Variants in PDZD2 observed in about 807,000 individuals in gnomAD.
The protein encoded by PDZD2 is PDZ domain containing 2.
A neutral mutation model predicts 220.7 loss-of-function variants in PDZD2; 90 were observed. That is an observed-to-expected ratio of 0.41 (90% confidence interval 0.34 to 0.49). PDZD2 has a LOEUF of 0.49. Ranked by LOEUF, PDZD2 falls within the 20% of genes least tolerant of loss-of-function variation. The pLI, the probability that PDZD2 is intolerant of heterozygous loss-of-function variation, is 0.28. For missense variants in PDZD2, 3,174 were observed against 3,608.5 expected (o/e 0.88, Z 3.08); for synonymous variants, 1,375 against 1,450.5 (o/e 0.95, Z 1.18).
At chr5:31,794,493 C>T (rs547697339) in intron 1 of PDZD2, among the ~76,000 whole-genome samples, 97 of 149,432 alleles carry the variant, frequency 6.5e-4, no homozygotes, top group Non-Finnish European at 1.0e-3. Flanking sequence ...CTCCGCCTCC[C>T]GGGTTCACAC....
intron 19 of PDZD2, among the ~76,000 whole-genome samples, chr5:32,079,374 C>T (rs997771799): frequency 8.6e-5 from 13 of 151,774 alleles, no homozygotes; most frequent in African/African-American, 2.9e-4. Flanking sequence ...TCCCACTTGT[C>T]GAGCTCTGTG....
At position 32,090,563 on chromosome 5, in the gene PDZD2, G is replaced by A. The variant is rs200979499; in HGVS notation, c.7115G>A (p.Arg2372Gln). The A allele has an allele frequency of 6.8e-6, 11 of 1,613,768 alleles. No individual in the cohort carries two copies. Among genetic ancestry groups the A allele is most frequent in the Middle Eastern group, 3.3e-4 (2 of 6,084 alleles). Residue 2372 changes from arginine (R) to glutamine (Q), a missense_variant, in exon 20 of 25, where the codon CGG becomes CAG. Physicochemically the swap from Arg to Gln is conservative, Grantham distance 43. Transcript: ENST00000438447. This position sits in a 1 kb window ranked among gnomAD's most constrained non-coding sequence, Gnocchi z 4.3. ...AGCTCCAAGCCTCCCATTGGGAGGC[G>A]GTCTTCCGGCAGCATTGTTTCCGGG... is the stretch of plus-strand genomic sequence containing the variant. ...SVSSKPPIGRRSSGSIVSGSL... is the reference protein window; with the variant it reads ...SVSSKPPIGRQSSGSIVSGSL...
intron 2 of PDZD2, chr5:31,822,548 C>G: frequency 1.3e-6 from 1 of 777,970 alleles, no homozygotes; most frequent in Non-Finnish European, 2.1e-6. Context: ...AGCTGGACAA[C>G]TCTTAGATCT....
intron 2 of PDZD2, among the ~76,000 whole-genome samples, chr5:31,839,528 A>C (rs1757143493): frequency 6.6e-6 from 1 of 152,224 alleles, no homozygotes; most frequent in African/African-American, 2.4e-5. Flanking sequence ...TTTAGGTAGA[A>C]GGGAGATGGA....
intron 1 of PDZD2, among the ~76,000 whole-genome samples, chr5:31,681,580 G>A (rs1430394019): frequency 6.6e-6 from 1 of 151,546 alleles, no homozygotes; most frequent in Admixed American, 6.6e-5. Context: ...CATTATATAT[G>A]TATAATATAA....
intron 1 of PDZD2, among the ~76,000 whole-genome samples, chr5:31,791,269 G>A (rs1055450458): frequency 6.6e-6 from 1 of 152,026 alleles, no homozygotes; most frequent in South Asian, 2.1e-4. Context: ...TACTGAGTTG[G>A]GGAGCTGTAG....
chr5:31,877,815 G>A (rs549012576), intron 2 of PDZD2, among the ~76,000 whole-genome samples: 2 of 152,072 alleles, frequency 1.3e-5, no homozygotes, highest in East Asian at 3.9e-4. Context: ...TCACCCTCCC[G>A]AGCAGCTGGG....
At chr5:32,009,801 T>C (rs750212731) in intron 5 of PDZD2, among the ~76,000 whole-genome samples, 4 of 151,702 alleles carry the variant, frequency 2.6e-5, no homozygotes, top group Non-Finnish European at 5.9e-5. Flanking sequence ...ATAGAAACAC[T>C]GAGCTAAAGG....
At chr5:32,013,947 G>T (rs544590877) in intron 6 of PDZD2, among the ~76,000 whole-genome samples, 1 of 152,310 alleles carries the variant, frequency 6.6e-6, no homozygotes, top group South Asian at 2.1e-4. Flanking sequence ...AGCCCTGCAG[G>T]GGGCAGGAAG....
rs6450871 is a variant in PDZD2 at position 31,885,885 on chromosome 5, G to T, written c.476+86161G>T. Among the ~76,000 whole-genome samples the T allele has an allele frequency of 5.3e-5, 8 of 152,088 alleles. No individual in the cohort carries two copies. In the East Asian group the frequency reaches 5.8e-4, roughly 11 times the overall value. ...GCATTATCCGTATAGTTTGTTTTTG[G>T]TTTTTTTGTTTGTTGTTTTTGAGTT... On this transcript the variant is annotated intron_variant, in intron 2 of 24. Transcript: ENST00000438447.
At chr5:31,722,672 G>GT (rs34212090) in intron 1 of PDZD2, among the ~76,000 whole-genome samples, 28,460 of 151,374 alleles carry the variant, frequency 0.19, 2,771 homozygotes, top group African/African-American at 0.22. Context: ...TACTGCTACA[G>GT]TTTTTTGTGG....
At chr5:32,001,378 T>C (rs1358743519) in intron 5 of PDZD2, among the ~76,000 whole-genome samples, 1 of 152,118 alleles carries the variant, frequency 6.6e-6, no homozygotes, top group African/African-American at 2.4e-5. Context: ...TGTGGCCTCT[T>C]GAGTGTTGGA....
At chr5:31,716,775 G>T (rs565396150) in intron 1 of PDZD2, among the ~76,000 whole-genome samples, 1 of 152,166 alleles carries the variant, frequency 6.6e-6, no homozygotes, top group Non-Finnish European at 1.5e-5. Flanking sequence ...TGCACTCCAG[G>T]CTGGGTGACA....
intron 18 of PDZD2, among the ~76,000 whole-genome samples, chr5:32,076,206 AAC>A (rs1355104768): frequency 3.1e-4 from 47 of 150,898 alleles, no homozygotes; most frequent in African/African-American, 1.1e-3. Context: ...GAATCTCTTG[AAC>A]TCGGGAGGTG....
At chr5:31,945,461 T>C (rs555080861) in intron 2 of PDZD2, among the ~76,000 whole-genome samples, 47 of 152,166 alleles carry the variant, frequency 3.1e-4, no homozygotes, top group Non-Finnish European at 5.4e-4. Context: ...TCCTATCTTC[T>C]GGGGAGAGAG....
At chr5:31,678,884 G>T (rs1746546020) in intron 1 of PDZD2, among the ~76,000 whole-genome samples, 1 of 152,158 alleles carries the variant, frequency 6.6e-6, no homozygotes, top group Non-Finnish European at 1.5e-5. Context: ...TGGGATTACA[G>T]ACAACAGCCA....
At chr5:31,808,884 G>A (rs774268506) in intron 2 of PDZD2, among the ~76,000 whole-genome samples, 9 of 151,948 alleles carry the variant, frequency 5.9e-5, no homozygotes, top group Non-Finnish European at 1.0e-4. Flanking sequence ...GGAGGCTGAG[G>A]CAGGAGAATC....
chr5:31,927,958 G>T (rs530837213), intron 2 of PDZD2, among the ~76,000 whole-genome samples: 6 of 152,196 alleles, frequency 3.9e-5, no homozygotes, highest in Admixed American at 3.3e-4. Context: ...CACCAAGATG[G>T]CTCCTTCTTG....
intron 2 of PDZD2, among the ~76,000 whole-genome samples, chr5:31,922,142 C>G (rs967762899): frequency 2.0e-5 from 3 of 152,150 alleles, no homozygotes; most frequent in Admixed American, 2.0e-4. Flanking sequence ...TTTAGAGGCT[C>G]ATAGAAAGAA....
Sources: allele counts gnomAD v4.1 joint callset (sites outside exome capture counted in the v4.1 genomes callset), GRCh38; gene constraint gnomAD v4.1.1; non-coding constraint Gnocchi (gnomAD v3.1); transcripts MANE v1.5; gene names NCBI Gene and HGNC (gene_info 2026-07-23, HGNC 2026-07-21).